Variants in FOXP1 observed in about 807,000 individuals in gnomAD.
FOXP1 encodes forkhead box P1, also known as forkhead box protein P1.
Under a neutral mutation model 98.2 loss-of-function variants are expected in FOXP1, and 15 were observed. That is an observed-to-expected ratio of 0.15 (90% CI 0.10 to 0.24). The LOEUF is 0.24. FOXP1 is among the 10% of genes least tolerant of loss of function. FOXP1 has a pLI of 1.00. For synonymous variants in FOXP1, 371 were observed against 314.5 expected (o/e 1.18, Z -1.90); for missense variants, 633 against 848.5 (o/e 0.75, Z 3.15).
intron 5 of FOXP1, among the ~76,000 whole-genome samples, chr3:71,231,675 C>A (rs961976319): frequency 2.6e-5 from 4 of 152,102 alleles, no homozygotes; most frequent in Non-Finnish European, 5.9e-5. Flanking sequence ...CAGAAAAATT[C>A]CAGGGAAATA....
At chr3:71,268,526 G>T (rs1576675235) in intron 5 of FOXP1, among the ~76,000 whole-genome samples, 2 of 152,158 alleles carry the variant, frequency 1.3e-5, no homozygotes, top group East Asian at 3.9e-4. Flanking sequence ...CGATACTGAG[G>T]GGAAATAATC....
intron 12 of FOXP1, among the ~76,000 whole-genome samples, chr3:71,009,733 C>T (rs2043309874): frequency 6.6e-6 from 1 of 151,974 alleles, no homozygotes; most frequent in African/African-American, 2.4e-5. Flanking sequence ...ATATGATGTA[C>T]TTTTTATTTA....
intron 4 of FOXP1, among the ~76,000 whole-genome samples, chr3:71,318,677 G>A (rs2075221376): frequency 6.6e-6 from 1 of 151,374 alleles, no homozygotes; most frequent in South Asian, 2.1e-4. Flanking sequence ...AGGAGAAGCT[G>A]GCTGATTTTT....
At chr3:71,455,150 A>T (rs1203443887) in intron 3 of FOXP1, among the ~76,000 whole-genome samples, 1 of 152,210 alleles carries the variant, frequency 6.6e-6, no homozygotes, top group Non-Finnish European at 1.5e-5. Context: ...TCGGTAACAC[A>T]TGCATTCACA....
chr3:71,091,097 C>CTGTGTGTGTGTGTGTGTG lies in FOXP1; in HGVS notation c.282+21421_282+21438dup, dbSNP rs1191628935. Among the ~76,000 whole-genome samples, 99 of 132,560 alleles carry CTGTGTGTGTGTGTGTGTG rather than the reference C, an allele frequency of 7.5e-4. 1 individual carries two copies. The highest frequency in any genetic ancestry group is 1.5e-3 in the African/African-American group (53 of 35,360). The allele number at this position is 132,560 out of a possible 152,430, so 87.0% of individuals were successfully genotyped here. A position where few individuals can be genotyped will look rare whatever the true frequency, so the allele number is the denominator to read the frequency against. ...CATTTTGAGCTACAGGTGCCAGATT[C>CTGTGTGTGTGTGTGTGTG]TGTGTGTGTGTGTGTGTGTGTGTGT... On this transcript the variant is annotated intron_variant, in intron 7 of 20. Coordinates refer to ENST00000649528, the MANE Select transcript of FOXP1 (RefSeq NM_001349338.3).
chr3:71,333,830 AC>A (rs1404081619), intron 4 of FOXP1: 1 of 152,212 alleles, frequency 6.6e-6, no homozygotes, highest in African/African-American at 2.4e-5. Flanking sequence ...TCTTAAAAAA[AC>A]AAAACAAAAG....
At chr3:71,016,437 T>C (rs1332457309) in intron 11 of FOXP1, among the ~76,000 whole-genome samples, 1 of 152,114 alleles carries the variant, frequency 6.6e-6, no homozygotes, top group African/African-American at 2.4e-5. Flanking sequence ...TCTCAAATAT[T>C]TTCTCTATTA....
intron 6 of FOXP1, among the ~76,000 whole-genome samples, chr3:71,120,321 T>C (rs1016289397): frequency 1.3e-5 from 2 of 152,212 alleles, no homozygotes; most frequent in African/African-American, 4.8e-5. Context: ...AACTGGGATA[T>C]ACTGAATTTG....
chr3:71,370,861 G>T (rs1331900337), intron 3 of FOXP1, among the ~76,000 whole-genome samples: 2 of 150,314 alleles, frequency 1.3e-5, no homozygotes, highest in Non-Finnish European at 2.9e-5. Context: ...GAATGCAGTG[G>T]CATGATCTCA....
intron 2 of FOXP1, among the ~76,000 whole-genome samples, chr3:71,574,817 C>G (rs1578243202): frequency 6.6e-6 from 1 of 152,174 alleles, no homozygotes; most frequent in Non-Finnish European, 1.5e-5. Context: ...GTGAAAACCA[C>G]CGATGTTCCA....
chr3:71,027,191 G>C (rs2046245361), intron 11 of FOXP1, among the ~76,000 whole-genome samples: 1 of 151,980 alleles, frequency 6.6e-6, no homozygotes, highest in Non-Finnish European at 1.5e-5. Flanking sequence ...GCACTGGTGA[G>C]TCACAAGGTC....
chr3:71,128,101 T>C (rs2059337745), intron 6 of FOXP1, among the ~76,000 whole-genome samples: 1 of 152,156 alleles, frequency 6.6e-6, no homozygotes, highest in Non-Finnish European at 1.5e-5. Flanking sequence ...AGATTTTCAG[T>C]TGTGATTTAT....
chr3:71,041,527 T>A lies in FOXP1; in HGVS notation c.670A>T (p.Ile224Phe). Residue 224 changes from isoleucine to phenylalanine, a missense_variant, in exon 11 of 21, where the codon ATT becomes TTT. This residue lies in a region of FOXP1 where 210 missense variants were observed against 270.6 expected (regional missense o/e 0.78). Coordinates refer to ENST00000649528, the MANE Select transcript of FOXP1 (RefSeq NM_001349338.3). ...LPLQPLAQGMIPTELQQLWKE... is the reference protein window; with the variant it reads ...LPLQPLAQGMFPTELQQLWKE... ...CAGAGCTGCTGCAGTTCTGTTGGAA[T>A]CATGCCTGAAACAAACAAATTGGAT... 1 of 1,613,700 alleles carries A rather than the reference T, an allele frequency of 6.2e-7. No homozygotes were observed. The highest frequency in any genetic ancestry group is 8.5e-7 in the Non-Finnish European group (1 of 1,179,718).
At chr3:71,120,948 G>C (rs542445151) in intron 6 of FOXP1, among the ~76,000 whole-genome samples, 5 of 152,136 alleles carry the variant, frequency 3.3e-5, no homozygotes, top group African/African-American at 1.2e-4. Context: ...AGGTAGGTTT[G>C]GGAGTTGTGC....
intron 5 of FOXP1, among the ~76,000 whole-genome samples, chr3:71,257,780 A>C (rs866492862): frequency 5.3e-5 from 8 of 152,180 alleles, no homozygotes; most frequent in African/African-American, 1.9e-4. Flanking sequence ...TGAAAACAAC[A>C]TGGACTTTTA....
intron 2 of FOXP1, among the ~76,000 whole-genome samples, chr3:71,532,393 G>A (rs1200543723): frequency 2.6e-5 from 4 of 152,028 alleles, no homozygotes; most frequent in African/African-American, 9.7e-5. Flanking sequence ...CACCACGGCC[G>A]GCACAAAGAA....
chr3:71,143,511 C>A (rs2060166849), intron 6 of FOXP1, among the ~76,000 whole-genome samples: 1 of 152,160 alleles, frequency 6.6e-6, no homozygotes, highest in African/African-American at 2.4e-5. Context: ...AGTGATCGAA[C>A]CACACTGCAC....
chr3:71,247,999 G>C (rs2067885338), intron 5 of FOXP1, among the ~76,000 whole-genome samples: 1 of 152,212 alleles, frequency 6.6e-6, no homozygotes, highest in Non-Finnish European at 1.5e-5. Context: ...TGGCTGAACA[G>C]AGGCCAGGAC....
At chr3:71,248,767 G>T (rs1241767960) in intron 5 of FOXP1, among the ~76,000 whole-genome samples, 2 of 150,988 alleles carry the variant, frequency 1.3e-5, no homozygotes, top group South Asian at 2.1e-4. Flanking sequence ...AATTCAGCAT[G>T]AAGTCGAATA....
Sources: allele counts gnomAD v4.1 joint callset (sites outside exome capture counted in the v4.1 genomes callset), GRCh38; gene constraint gnomAD v4.1.1; regional missense constraint gnomAD v4.1.1; transcripts MANE v1.5; gene names NCBI Gene and HGNC (gene_info 2026-07-23, HGNC 2026-07-21).